Variants in ROBO1 observed in about 807,000 individuals in gnomAD.
The protein encoded by ROBO1 is roundabout homolog 1.
A neutral mutation model predicts 195.9 loss-of-function variants in ROBO1; 149 were observed. The ratio of observed to expected loss-of-function variants is 0.76; its 90% CI spans 0.67 to 0.87. The LOEUF (loss-of-function observed/expected upper bound fraction) is 0.87. ROBO1 is among the 40% of genes least tolerant of loss of function. The probability of loss-of-function intolerance (pLI) is 0.00; values close to 1 mark genes in which losing one functional copy is unlikely to be tolerated. For synonymous variants in ROBO1, 816 were observed against 733.2 expected (o/e 1.11, Z -1.82); for missense variants, 1,933 against 2,068.3 (o/e 0.93, Z 1.27).
At chr3:78,992,934 C>T (rs559237852) in intron 3 of ROBO1, among the ~76,000 whole-genome samples, 9 of 152,206 alleles carry the variant, frequency 5.9e-5, no homozygotes, top group African/African-American at 1.7e-4. Context: ...CAAAAGAACA[C>T]GCCAAGATTT....
intron 3 of ROBO1, among the ~76,000 whole-genome samples, chr3:78,960,337 T>C (rs908691096): frequency 4.0e-5 from 6 of 149,768 alleles, no homozygotes; most frequent in African/African-American, 7.3e-5. Context: ...CATGTTAACA[T>C]ATAGCAATAT....
chr3:78,973,576 T>TATATAG (rs2076820450), intron 3 of ROBO1, among the ~76,000 whole-genome samples: 1 of 44,344 alleles, frequency 2.3e-5, no homozygotes, highest in Non-Finnish European at 3.8e-5. Context: ...TATATGAAGC[T>TATATAG]ATATATATAT....
In ROBO1 at chr3:78,963,182, C is replaced by T. The variant is rs556898146; in HGVS notation, c.173-24255G>A. 4.6e-5 allele frequency among the ~76,000 whole-genome samples: 7 copies of T among 151,924 alleles called. 1 individual carries two copies. The South Asian group carries it at 1.5e-3, about 32-fold the overall frequency. ...CTATCCTTCAAAACCTGATACAAAT[C>T]TTATAATCTAGGAGTTTGGTATTTA... On this transcript the variant is annotated intron_variant, in intron 3 of 30. Coordinates refer to ENST00000464233, the MANE Select transcript of ROBO1 (RefSeq NM_002941.4).
At chr3:79,271,111 G>C (rs1284232082) in intron 2 of ROBO1, among the ~76,000 whole-genome samples, 1 of 151,934 alleles carries the variant, frequency 6.6e-6, no homozygotes, top group Non-Finnish European at 1.5e-5. Context: ...AGGTAGAAAA[G>C]TAAGCTGTAA....
intron 2 of ROBO1, among the ~76,000 whole-genome samples, chr3:79,428,179 G>A (rs1391704053): frequency 6.6e-6 from 1 of 151,948 alleles, no homozygotes; most frequent in African/African-American, 2.4e-5. Flanking sequence ...ACATATAAGT[G>A]GCAAACAGGT....
At chr3:79,419,481 G>T (rs976114303) in intron 2 of ROBO1, among the ~76,000 whole-genome samples, 3 of 152,094 alleles carry the variant, frequency 2.0e-5, no homozygotes, top group Non-Finnish European at 4.4e-5. Context: ...ACTAAAGGGT[G>T]GTGATAGCTC....
At chr3:79,661,310 G>A (rs1428014561) in intron 1 of ROBO1, among the ~76,000 whole-genome samples, 1 of 152,044 alleles carries the variant, frequency 6.6e-6, no homozygotes, top group African/African-American at 2.4e-5. Context: ...TTCCCCAGGT[G>A]TTCAAAAATA....
At chr3:79,284,922 G>T (rs1224586328) in intron 2 of ROBO1, among the ~76,000 whole-genome samples, 1 of 151,552 alleles carries the variant, frequency 6.6e-6, no homozygotes, top group African/African-American at 2.4e-5. Flanking sequence ...TGACAAAATA[G>T]CCTGGAAAAA....
chr3:79,182,205 C>T (rs974403063), intron 2 of ROBO1, among the ~76,000 whole-genome samples: 7 of 152,088 alleles, frequency 4.6e-5, no homozygotes, highest in Admixed American at 1.3e-4. Flanking sequence ...ACAAATTGCT[C>T]TTTAGCATCT....
At chr3:78,610,721 G>A (rs1270032916) in intron 28 of ROBO1, among the ~76,000 whole-genome samples, 3 of 152,066 alleles carry the variant, frequency 2.0e-5, no homozygotes, top group Non-Finnish European at 4.4e-5. Flanking sequence ...TATAACACAA[G>A]TTAAAAAGAG....
chr3:79,676,552 T>G (rs1434910796), intron 1 of ROBO1, among the ~76,000 whole-genome samples: 1 of 152,080 alleles, frequency 6.6e-6, no homozygotes, highest in East Asian at 1.9e-4. Flanking sequence ...CTCTGGTTTC[T>G]TAAGAGTTTC....
chr3:79,475,720 C>T (rs562744297), intron 2 of ROBO1, among the ~76,000 whole-genome samples: 15 of 151,952 alleles, frequency 9.9e-5, no homozygotes, highest in African/African-American at 3.4e-4. Flanking sequence ...TTGCTTGCAC[C>T]CTATGGTCCT....
At chr3:79,491,323 T>A (rs1409955800) in intron 2 of ROBO1, among the ~76,000 whole-genome samples, 2 of 152,148 alleles carry the variant, frequency 1.3e-5, no homozygotes, top group African/African-American at 4.8e-5. Context: ...GCTGCTTTAA[T>A]TGATTACTCC....
intron 1 of ROBO1, among the ~76,000 whole-genome samples, chr3:79,708,267 G>A (rs1038503537): frequency 1.8e-4 from 27 of 152,110 alleles, no homozygotes; most frequent in African/African-American, 6.3e-4. Flanking sequence ...TTTACAGACT[G>A]AGAAGATAAC....
chr3:78,685,956 G>T (rs963940889), intron 9 of ROBO1, 39 bp from the exon 10 acceptor site: 1 of 1,481,224 alleles, frequency 6.8e-7, no homozygotes, highest in Non-Finnish European at 9.1e-7. Context: ...AATAAAAATA[G>T]GTTAATTGTT....
At chr3:78,716,579 C>G (rs776105761) in intron 7 of ROBO1, among the ~76,000 whole-genome samples, 4 of 152,122 alleles carry the variant, frequency 2.6e-5, no homozygotes, top group African/African-American at 4.8e-5. Flanking sequence ...AAAGCCAAAC[C>G]ATATCAGCTT....
At chr3:78,683,789 G>A (rs1014209678) in intron 10 of ROBO1, among the ~76,000 whole-genome samples, 2 of 151,480 alleles carry the variant, frequency 1.3e-5, no homozygotes, top group Non-Finnish European at 1.5e-5. Context: ...ACTCAAGGTA[G>A]ATAAAAAAAA....
chr3:79,106,914 T>C (rs961598774), intron 3 of ROBO1, among the ~76,000 whole-genome samples: 1 of 151,604 alleles, frequency 6.6e-6, no homozygotes. Context: ...CCTCCCTACT[T>C]ATGTATAGAA....
chr3:78,850,525 G>A (rs2106856784), intron 4 of ROBO1, among the ~76,000 whole-genome samples: 1 of 152,278 alleles, frequency 6.6e-6, no homozygotes. Context: ...AGTAATAAAT[G>A]TCATAGGTAG....
Sources: gnomAD v4.1 joint callset for allele counts (sites outside exome capture counted in the v4.1 genomes callset) on GRCh38, gnomAD v4.1.1 for gene constraint, MANE v1.5 for transcripts, NCBI Gene and HGNC (gene_info 2026-07-23, HGNC 2026-07-21) for gene names.